Variants in CRISPLD2 observed in about 807,000 individuals in gnomAD.
The protein encoded by CRISPLD2 is cysteine rich secretory protein LCCL domain containing 2, also known as cysteine-rich secretory protein LCCL domain-containing 2.
In CRISPLD2, 47 loss-of-function variants were observed where a neutral mutation model predicts 71.1. The observed-to-expected ratio is 0.66, with a 90% CI of 0.52 to 0.84. CRISPLD2 has a LOEUF of 0.84. Among genes scored for constraint, CRISPLD2 ranks in the 40% least tolerant of loss-of-function variants. CRISPLD2 has a pLI of 0.00. For missense variants in CRISPLD2, 830 were observed against 651.1 expected (o/e 1.27, Z -2.99); for synonymous variants, 317 against 250.1 (o/e 1.27, Z -2.52).
In CRISPLD2 at chr16:84,906,841, C is replaced by T. The variant is rs571549237; in HGVS notation, c.*199C>T. On this transcript the variant is annotated 3_prime_UTR_variant, in exon 15 of 15. Transcript: ENST00000262424. ...GCAACAGCATCCCAAGGTGCTCAGC[C>T]GGACTCCCTGGTGCCTGATCCTGCT... 20 of 682,698 alleles carry T rather than the reference C, an allele frequency of 2.9e-5. No homozygotes were observed. Among genetic ancestry groups the T allele is most frequent in the African/African-American group, 8.9e-5 (5 of 56,388 alleles). 42.3% of individuals were successfully genotyped at this position (682,698 alleles called of 1,614,324 possible).
intron 8 of CRISPLD2, among the ~76,000 whole-genome samples, chr16:84,869,888 G>A (rs1383594142): frequency 6.6e-6 from 1 of 152,256 alleles, no homozygotes; most frequent in African/African-American, 2.4e-5. Context: ...GCACGTATTG[G>A]AGAACATTCC....
intron 7 of CRISPLD2, among the ~76,000 whole-genome samples, 166 bp from the exon 8 acceptor site, chr16:84,868,685 G>T (rs946044875): frequency 4.6e-5 from 7 of 152,228 alleles, no homozygotes; most frequent in African/African-American, 1.7e-4. Flanking sequence ...GTGGGCCTGG[G>T]GTCTGAGCCC....
At chr16:84,824,952 A>C (rs1916313775) in intron 1 of CRISPLD2, among the ~76,000 whole-genome samples, 1 of 151,924 alleles carries the variant, frequency 6.6e-6, no homozygotes, top group South Asian at 2.1e-4. Flanking sequence ...AAAAATACAA[A>C]AATTAGCCGG....
chr16:84,824,972 CAG>C (rs1916314772), intron 1 of CRISPLD2, among the ~76,000 whole-genome samples: 1 of 151,988 alleles, frequency 6.6e-6, no homozygotes, highest in Non-Finnish European at 1.5e-5. Context: ...GGCGTGGTGG[CAG>C]GCACCTGTAG....
chr16:84,886,649 C>T (rs2071616335), intron 13 of CRISPLD2, among the ~76,000 whole-genome samples: 1 of 152,110 alleles, frequency 6.6e-6, no homozygotes, highest in Admixed American at 6.6e-5. Context: ...ATGGTGAAAC[C>T]CCATCTCTAA....
chr16:84,859,426 C>T (rs1917325261), intron 6 of CRISPLD2, among the ~76,000 whole-genome samples: 1 of 152,164 alleles, frequency 6.6e-6, no homozygotes, highest in African/African-American at 2.4e-5. Flanking sequence ...TTCCCCAGTG[C>T]ACGGTTTCCC....
intron 5 of CRISPLD2, among the ~76,000 whole-genome samples, chr16:84,854,360 G>A (rs947461929): frequency 2.0e-5 from 3 of 152,132 alleles, no homozygotes; most frequent in Non-Finnish European, 4.4e-5. Flanking sequence ...TTTGAGAAAT[G>A]GCTTAAAAGG....
rs541402628 is a variant in CRISPLD2 at position 84,863,657 on chromosome 16, T to C, written c.710-3240T>C. Among the ~76,000 whole-genome samples, 4 of 151,756 alleles carry C rather than the reference T, an allele frequency of 2.6e-5. No individual in the cohort carries two copies. The South Asian group carries it at 8.3e-4, about 32-fold the overall frequency. On this transcript the variant is annotated intron_variant, in intron 6 of 14. Transcript: ENST00000262424. ...GGCCAATCATGCCTCTGAAGGCAAA[T>C]GGGAGGTTGACAGAAGAAAATGCTG...
chr16:84,825,495 C>A lies in CRISPLD2; in HGVS notation c.-75+5362C>A, dbSNP rs561144125. Among the ~76,000 whole-genome samples, 5 of 152,272 alleles carry A rather than the reference C, an allele frequency of 3.3e-5. No individual in the cohort carries two copies. The South Asian group carries it at 6.2e-4, about 19-fold the overall frequency. ...GAAAGGCCCAGCGCAGTGGCGTACA[C>A]CTATAGTCTCAGCACTTTGGGAGGC... On this transcript the variant is annotated intron_variant, in intron 1 of 14. Transcript: ENST00000262424.
intron 4 of CRISPLD2, among the ~76,000 whole-genome samples, chr16:84,850,288 A>C (rs1346496863): frequency 6.6e-6 from 1 of 151,770 alleles, no homozygotes; most frequent in African/African-American, 2.4e-5. Context: ...ATGGGGTTTC[A>C]CCATGTTGGT....
At chr16:84,891,138 AC>A (rs2071658618) in intron 14 of CRISPLD2, among the ~76,000 whole-genome samples, 1 of 152,226 alleles carries the variant, frequency 6.6e-6, no homozygotes, top group Non-Finnish European at 1.5e-5. Flanking sequence ...TAGGACATTA[AC>A]ATATGGATTT....
intron 14 of CRISPLD2, among the ~76,000 whole-genome samples, chr16:84,904,120 G>A (rs1361501593): frequency 6.6e-6 from 1 of 152,196 alleles, no homozygotes; most frequent in African/African-American, 2.4e-5. Context: ...TGAGACAGCC[G>A]TGGTGGCCCT....
chr16:84,872,300 T>C, intron 8 of CRISPLD2, 142 bp from the exon 9 acceptor site: 2 of 737,946 alleles, frequency 2.7e-6, no homozygotes, highest in South Asian at 3.1e-5. Context: ...AAAGTCTGAC[T>C]TGTCCAAAAA....
intron 14 of CRISPLD2, among the ~76,000 whole-genome samples, chr16:84,889,752 T>TTGTG (rs60555979): frequency 0.064 from 8,923 of 139,236 alleles, 300 homozygotes; most frequent in East Asian, 0.19. Context: ...TTGTTTTTCT[T>TTGTG]TGTGTGTGTG....
Position 84,872,524 on chromosome 16 carries a change from C to A in CRISPLD2, c.981+16C>A, listed in dbSNP as rs776310093. ...CTATGAAAGCGTGAGTGTGGCCAGT[C>A]CTCCTCTCAATGGCTTGTGTGGGAT... On this transcript the variant is annotated intron_variant, in intron 9 of 14. Coordinates refer to ENST00000262424, the MANE Select transcript of CRISPLD2 (RefSeq NM_031476.4). The A allele has an allele frequency of 6.2e-7, 1 of 1,607,034 alleles. No homozygotes were observed. Among genetic ancestry groups the A allele is most frequent in the Non-Finnish European group, 8.5e-7 (1 of 1,174,558 alleles).
chr16:84,900,901 T>C (rs370703735), intron 14 of CRISPLD2, among the ~76,000 whole-genome samples: 7 of 151,338 alleles, frequency 4.6e-5, no homozygotes, highest in African/African-American at 1.7e-4. Context: ...AATACGAAAA[T>C]TAACCAGGCA....
intron 13 of CRISPLD2, among the ~76,000 whole-genome samples, chr16:84,881,211 C>T (rs546149360): frequency 9.8e-5 from 15 of 152,298 alleles, no homozygotes; most frequent in South Asian, 4.1e-4. Context: ...CCCAGCTCTC[C>T]GGATGCATTT....
chr16:84,833,701 C>T (rs1000653132), intron 1 of CRISPLD2, among the ~76,000 whole-genome samples: 6 of 152,130 alleles, frequency 3.9e-5, no homozygotes, highest in Admixed American at 6.5e-5. Context: ...GGGTCAAAGG[C>T]GAGTGGGCAG....
chr16:84,878,141 G>A (rs1162103317), intron 12 of CRISPLD2, among the ~76,000 whole-genome samples: 1 of 151,852 alleles, frequency 6.6e-6, no homozygotes, highest in Non-Finnish European at 1.5e-5. Context: ...GGAGAATGGC[G>A]TGAACCCAGG....
Sources: allele counts gnomAD v4.1 joint callset (sites outside exome capture counted in the v4.1 genomes callset), GRCh38; gene constraint gnomAD v4.1.1; transcripts MANE v1.5; gene names NCBI Gene and HGNC (gene_info 2026-07-23, HGNC 2026-07-21).